Variants in CD209 observed in about 807,000 individuals in gnomAD.
The protein encoded by CD209 is CD209 antigen.
A neutral mutation model predicts 44.7 loss-of-function variants in CD209; 31 were observed. That is an observed-to-expected ratio of 0.69 (90% CI 0.52 to 0.94). The LOEUF (loss-of-function observed/expected upper bound fraction) is 0.94, where lower values mean the gene tolerates loss of function less well. CD209 is among the 40% of genes least tolerant of loss of function. CD209 has a pLI of 0.00. For synonymous variants in CD209, 173 were observed against 181.3 expected, an observed-to-expected ratio of 0.95 and a Z score of 0.37; for missense variants, 407 against 452.4, an observed-to-expected ratio of 0.90 and a Z score of 0.91.
Position 7,742,463 on chromosome 19 carries a change from A to ATAG in CD209, c.*573_*575dup, listed in dbSNP as rs1448970661. ...CAAGAGTGAAACTCCATCTCGAAAA[A>ATAG]TAGTAATAATAATAATAAAATAAAG... On this transcript the variant is annotated 3_prime_UTR_variant, in exon 7 of 7. Transcript: ENST00000315599. 1 of 152,770 alleles carries ATAG rather than the reference A, an allele frequency of 6.5e-6. No homozygotes were observed. The highest frequency in any genetic ancestry group is 1.5e-5 in the Non-Finnish European group (1 of 68,502). 9.5% of individuals were successfully genotyped at this position (152,770 alleles called of 1,614,324 possible).
intron 4 of CD209, 28 bp from the exon 5 acceptor site, chr19:7,745,120 G>A (rs11465384): frequency 0.078 from 125,144 of 1,612,932 alleles, 5,507 homozygotes; most frequent in Middle Eastern, 0.088. Flanking sequence ...TCAGGGCTGG[G>A]CTTAGATTAG....
intron 6 of CD209, among the ~76,000 whole-genome samples, 175 bp from the exon 7 acceptor site, chr19:7,743,415 T>C (rs756216321): frequency 6.6e-6 from 1 of 152,162 alleles, no homozygotes; most frequent in Non-Finnish European, 1.5e-5. Context: ...CCTGCCTCTC[T>C]TCTCACAACC....
At chr19:7,746,188 T>G in intron 3 of CD209, 101 bp from the exon 4 acceptor site, 1 of 1,519,120 alleles carries the variant, frequency 6.6e-7, no homozygotes, top group Non-Finnish European at 8.9e-7. Flanking sequence ...AGCCAAGGTC[T>G]TGGTTAATCC....
intron 3 of CD209, 29 bp downstream of exon 3, chr19:7,746,431 A>G: frequency 6.2e-7 from 1 of 1,611,590 alleles, no homozygotes; most frequent in Non-Finnish European, 8.5e-7. Context: ...AGGCGTGGGG[A>G]CCCCAGACCC....
Position 7,740,576 on chromosome 19 carries a change from AG to A in CD209, c.*2462del. On this transcript the variant is annotated 3_prime_UTR_variant, in exon 7 of 7. Transcript: ENST00000315599. ...AGGAACTTGCTCCACTGAGGGACTC[AG>A]GACTCTCACAGAAAGAGGAGGACAC... The A allele has an allele frequency of 5.6e-6, 5 of 888,622 alleles. 1 individual carries two copies. The Admixed American group carries it at 8.6e-5, about 15-fold the overall frequency. The allele number at this position is 888,622 out of a possible 1,614,324, so 55.0% of individuals were successfully genotyped here. A position where few individuals can be genotyped will look rare whatever the true frequency, so the allele number is the denominator to read the frequency against.
Position 7,741,277 on chromosome 19 carries a change from C to T in CD209, c.*1762G>A, listed in dbSNP as rs1053674937. On this transcript the variant is annotated 3_prime_UTR_variant, in exon 7 of 7. Transcript: ENST00000315599. ...ACGAGGTCAAGAGATCGAGACCATC[C>T]TGGTCAACATGTTGAAACCCCGTCT... The T allele has an allele frequency of 7.4e-5, 32 of 435,078 alleles. No homozygotes were observed. The highest frequency in any genetic ancestry group is 3.6e-4 in the Middle Eastern group (1 of 2,808). 27.0% of individuals were successfully genotyped at this position (435,078 alleles called of 1,614,324 possible). A position where few individuals can be genotyped will look rare whatever the true frequency, so the allele number is the denominator to read the frequency against.
At position 7,746,543 on chromosome 19, in the gene CD209, T is replaced by C. The variant is rs373564213; in HGVS notation, c.107-12A>G. The C allele has an allele frequency of 4.0e-5, 64 of 1,613,112 alleles. No individual in the cohort carries two copies. Among genetic ancestry groups the C allele is most frequent in the Non-Finnish European group, 5.0e-5 (59 of 1,179,358 alleles). On this transcript the variant is annotated splice_polypyrimidine_tract_variant and intron_variant, in intron 2 of 6. Coordinates refer to ENST00000315599, the MANE Select transcript of CD209 (RefSeq NM_021155.4). ...ATGGCCAAGACACCCTGAGAGAGGA[T>C]ACATGCGTCAGCCTGCCAGTGTCCC...
At chr19:7,746,819 GCCC>G (rs1334374118) in intron 2 of CD209, among the ~76,000 whole-genome samples, 1 of 150,760 alleles carries the variant, frequency 6.6e-6, no homozygotes, top group Non-Finnish European at 1.5e-5. Flanking sequence ...TGGAACCCAG[GCCC>G]CCAGCTCCCA....
At position 7,745,513 on chromosome 19, in the gene CD209, C is replaced by A; in HGVS notation, c.748+5G>T. ...GCCCAAGAAGCCCTGGTTCCAGATA[C>A]TCACCCACTGCAGCCTTCAGCTGGG... On this transcript the variant is annotated splice_donor_5th_base_variant and intron_variant, in intron 4 of 6. Transcript: ENST00000315599. 1 of 1,612,334 alleles carries A rather than the reference C, an allele frequency of 6.2e-7. No homozygotes were observed. Among genetic ancestry groups the A allele is most frequent in the South Asian group, 1.1e-5 (1 of 91,006 alleles).
In CD209 at chr19:7,747,369, A is replaced by T; in HGVS notation, c.47-4T>A. 6.2e-7 allele frequency: 1 copy of T among 1,614,238 alleles called. No individual in the cohort carries two copies. ...AGGCCTCTCAGCTGTTCCTCCTCTGAATGGATAGACGTGAAATCAGAGCCT... is the reference window on the plus strand; with the variant it reads ...AGGCCTCTCAGCTGTTCCTCCTCTGTATGGATAGACGTGAAATCAGAGCCT... On this transcript the variant is annotated splice_polypyrimidine_tract_variant and splice_region_variant and intron_variant, in intron 1 of 6. Transcript: ENST00000315599.
chr19:7,746,780 A>C (rs1270404034), intron 2 of CD209, among the ~76,000 whole-genome samples: 1 of 137,642 alleles, frequency 7.3e-6, no homozygotes, highest in Non-Finnish European at 1.6e-5. Context: ...CCAGGAATCC[A>C]GGCCCCAGCC....
In CD209 at chr19:7,744,960, A is replaced by G; in HGVS notation, c.881T>C (p.Ile294Thr). 6.2e-7 allele frequency: 1 copy of G among 1,614,140 alleles called. No individual in the cohort carries two copies. Among genetic ancestry groups the G allele is most frequent in the Non-Finnish European group, 8.5e-7 (1 of 1,180,014 alleles). Residue 294 changes from isoleucine (I) to threonine (T), a missense_variant, in exon 5 of 7, where the codon ATC becomes ACC. Physicochemically the swap from Ile to Thr is moderately conservative, Grantham distance 89. Transcript: ENST00000315599. ...GTGTACCTGCTCCTCAGCACTTTTGATTACGACGAGCTGGGCCCCCACTTC... is the reference window on the plus strand; with the variant it reads ...GTGTACCTGCTCCTCAGCACTTTTGGTTACGACGAGCTGGGCCCCCACTTC... ...CKEVGAQLVV[I>T]KSAEEQNFLQ...
chr19:7,745,440 C>T (rs2033774197), intron 4 of CD209, 78 bp downstream of exon 4: 1 of 1,610,198 alleles, frequency 6.2e-7, no homozygotes, highest in Non-Finnish European at 8.5e-7. Context: ...CTTGCTCAGG[C>T]AGGGTCAGTG....
chr19:7,740,498 C>T lies in CD209; in HGVS notation c.*2541G>A, dbSNP rs1469155877. 3.6e-6 allele frequency: 4 copies of T among 1,121,880 alleles called. No individual in the cohort carries two copies. In the East Asian group the frequency reaches 7.1e-5, roughly 20 times the overall value. The allele number at this position is 1,121,880 out of a possible 1,614,324, so 69.5% of individuals were successfully genotyped here. A position where few individuals can be genotyped will look rare whatever the true frequency, so the allele number is the denominator to read the frequency against. ...AGGTGACATTTCCAGAGAAACCAAGCCACAAAAAGTACAGGGCCGCCCTGA... is the reference window on the plus strand; with the variant it reads ...AGGTGACATTTCCAGAGAAACCAAGTCACAAAAAGTACAGGGCCGCCCTGA... On this transcript the variant is annotated 3_prime_UTR_variant, in exon 7 of 7. Coordinates refer to ENST00000315599, the MANE Select transcript of CD209 (RefSeq NM_021155.4).
rs2033829650 is a variant in CD209, at chr19:7,746,494, G to A, written c.144C>T (p.Leu48=). The change falls in exon 3 of 7, where the codon CTC becomes CTT. Residue 48 remains leucine (L), a synonymous_variant. Coordinates refer to ENST00000315599, the MANE Select transcript of CD209 (RefSeq NM_021155.4). ...LGHGPLVLQL[L]SFTLLAGLLV... Reference sequence around the variant, plus strand: ...GGAGCCCAGCCAAGAGCGTGAAGGAGAGGAGTTGCAGCACCAGGGGACCAT... The same window carrying A: ...GGAGCCCAGCCAAGAGCGTGAAGGAAAGGAGTTGCAGCACCAGGGGACCAT... The A allele has an allele frequency of 6.2e-7, 1 of 1,613,740 alleles. No homozygotes were observed. Among genetic ancestry groups the A allele is most frequent in the African/African-American group, 1.3e-5 (1 of 74,854 alleles).
rs753428693 is a variant in CD209, at chr19:7,746,515, A to T, written c.123T>A (p.Gly41=). 4 of 1,613,642 alleles carry T rather than the reference A, an allele frequency of 2.5e-6. No homozygotes were observed. The highest frequency in any genetic ancestry group is 3.4e-6 in the Non-Finnish European group (4 of 1,179,794). The part of the protein sequence containing the change: ...YKSLAGCLGH[G]PLVLQLLSFT... ...AGGAGAGGAGTTGCAGCACCAGGGGACCATGGCCAAGACACCCTGAGAGAG... is the reference window on the plus strand; with the variant it reads ...AGGAGAGGAGTTGCAGCACCAGGGGTCCATGGCCAAGACACCCTGAGAGAG... The change falls in exon 3 of 7, where the codon GGT becomes GGA. Residue 41 remains glycine, a synonymous_variant. Transcript: ENST00000315599.
chr19:7,746,599 C>A, intron 2 of CD209, 68 bp from the exon 3 acceptor site: 2 of 1,520,480 alleles, frequency 1.3e-6, no homozygotes, highest in South Asian at 2.3e-5. Flanking sequence ...AGAGCCTGGT[C>A]TAAATCCCTC....
chr19:7,742,691 T>G lies in CD209; in HGVS notation c.*348A>C. 3.8e-6 allele frequency: 1 copy of G among 263,028 alleles called. No homozygotes were observed. The highest frequency in any genetic ancestry group is 7.3e-6 in the Non-Finnish European group (1 of 136,070). 16.3% of individuals were successfully genotyped at this position (263,028 alleles called of 1,614,324 possible). On this transcript the variant is annotated 3_prime_UTR_variant, in exon 7 of 7. Transcript: ENST00000315599. ...TCAAAGGGGTGCAGGAGGTGGTAGG[T>G]GGAAGTTGAACAGATGGTAGGTTTG... is the stretch of plus-strand genomic sequence containing the variant.
Position 7,740,778 on chromosome 19 carries a change from G to A in CD209, c.*2261C>T. 1.3e-6 allele frequency: 1 copy of A among 760,722 alleles called. No individual in the cohort carries two copies. Among genetic ancestry groups the A allele is most frequent in the South Asian group, 1.4e-5 (1 of 73,352 alleles). 47.1% of individuals were successfully genotyped at this position (760,722 alleles called of 1,614,324 possible). The stretch of plus-strand genomic sequence containing the variant: ...GCGAAAGTTAAAGGAACAATGGGAA[G>A]AACAGCAGAGGAAAGAGAGAGAGGA... On this transcript the variant is annotated 3_prime_UTR_variant, in exon 7 of 7. Coordinates refer to ENST00000315599, the MANE Select transcript of CD209 (RefSeq NM_021155.4).
Sources: gnomAD v4.1 joint callset for allele counts (sites outside exome capture counted in the v4.1 genomes callset) on GRCh38, gnomAD v4.1.1 for gene constraint, MANE v1.5 for transcripts, NCBI Gene and HGNC (gene_info 2026-07-23, HGNC 2026-07-21) for gene names.